Variants in LPP observed in about 807,000 individuals in gnomAD.
LPP encodes the protein LIM domain containing preferred translocation partner in lipoma.
A neutral mutation model predicts 60.4 loss-of-function variants in LPP; 38 were observed. That is an observed-to-expected ratio of 0.63 (90% CI 0.49 to 0.83). LPP has a LOEUF of 0.83. Among genes scored for constraint, LPP ranks in the 40% least tolerant of loss-of-function variants. The probability of loss-of-function intolerance (pLI) is 0.00; values close to 1 mark genes in which losing one functional copy is unlikely to be tolerated. For missense variants in LPP, 902 were observed against 783.6 expected (o/e 1.15, Z -1.80); for synonymous variants, 328 against 290.8 (o/e 1.13, Z -1.30).
chr3:188,814,530 C>T (rs1751942844), intron 9 of LPP, among the ~76,000 whole-genome samples: 1 of 152,208 alleles, frequency 6.6e-6, no homozygotes, highest in South Asian at 2.1e-4. Flanking sequence ...CAACTGCCTC[C>T]TCACTTGAAT....
At chr3:188,412,715 G>T (rs543497292) in intron 4 of LPP, among the ~76,000 whole-genome samples, 3 of 152,114 alleles carry the variant, frequency 2.0e-5, no homozygotes, top group Non-Finnish European at 4.4e-5. Context: ...TCAAAATGGT[G>T]ACCCTTTTTA....
chr3:188,786,337 C>T (rs1223582562), intron 9 of LPP, among the ~76,000 whole-genome samples: 2 of 130,178 alleles, frequency 1.5e-5, no homozygotes, highest in African/African-American at 5.9e-5. Flanking sequence ...GAGCCAAGAG[C>T]ATGCCACTGC....
At chr3:188,611,545 A>C (rs1464229541) in intron 7 of LPP, among the ~76,000 whole-genome samples, 1 of 152,216 alleles carries the variant, frequency 6.6e-6, no homozygotes, top group Non-Finnish European at 1.5e-5. Context: ...TTACAGTAAA[A>C]TAAAATTTTA....
At chr3:188,773,378 A>T (rs375583896) in intron 9 of LPP, among the ~76,000 whole-genome samples, 2 of 148,924 alleles carry the variant, frequency 1.3e-5, no homozygotes, top group East Asian at 2.0e-4. Flanking sequence ...ATATATATAA[A>T]TTTTTTTAAT....
intron 9 of LPP, among the ~76,000 whole-genome samples, chr3:188,852,988 A>G (rs1028376609): frequency 6.6e-6 from 1 of 152,024 alleles, no homozygotes; most frequent in African/African-American, 2.4e-5. Flanking sequence ...TACTAAAAAT[A>G]CAGAAAAAAA....
intron 7 of LPP, among the ~76,000 whole-genome samples, chr3:188,706,294 T>C (rs919526985): frequency 1.3e-5 from 2 of 152,232 alleles, no homozygotes; most frequent in Non-Finnish European, 2.9e-5. Context: ...ATTAGCATAA[T>C]GGTTCTTCAG....
chr3:188,441,119 T>G (rs908609585), intron 4 of LPP, among the ~76,000 whole-genome samples: 4 of 152,160 alleles, frequency 2.6e-5, no homozygotes, highest in Non-Finnish European at 4.4e-5. Context: ...TCAAAATGTA[T>G]TTATACTATG....
intron 10 of LPP, 86 bp from the exon 11 acceptor site, chr3:188,872,557 T>C: frequency 1.3e-6 from 2 of 1,493,068 alleles, no homozygotes; most frequent in Non-Finnish European, 9.3e-7. Flanking sequence ...ATACCGACTC[T>C]CAGTTTCCAC....
At chr3:188,410,663 A>C (rs1784691183) in intron 4 of LPP, among the ~76,000 whole-genome samples, 1 of 152,122 alleles carries the variant, frequency 6.6e-6, no homozygotes, top group Non-Finnish European at 1.5e-5. Context: ...ATACCCCTAC[A>C]TTTCCAAATG....
At chr3:188,581,600 C>T (rs1836143060) in intron 6 of LPP, among the ~76,000 whole-genome samples, 1 of 152,092 alleles carries the variant, frequency 6.6e-6, no homozygotes, top group Non-Finnish European at 1.5e-5. Flanking sequence ...TGCCACTACC[C>T]AGGCTGTTAG....
At chr3:188,407,936 G>A (rs1472457054) in intron 4 of LPP, among the ~76,000 whole-genome samples, 1 of 151,812 alleles carries the variant, frequency 6.6e-6, no homozygotes, top group Non-Finnish European at 1.5e-5. Context: ...TTACAGGCAT[G>A]CACTACCATG....
intron 8 of LPP, among the ~76,000 whole-genome samples, chr3:188,715,993 T>A (rs568217298): frequency 4.5e-4 from 69 of 152,220 alleles, no homozygotes; most frequent in Non-Finnish European, 9.0e-4. Flanking sequence ...TATTGTCTTA[T>A]TCCTTCTTTA....
intron 9 of LPP, among the ~76,000 whole-genome samples, chr3:188,776,259 C>A (rs1346470984): frequency 1.3e-5 from 2 of 152,146 alleles, no homozygotes; most frequent in African/African-American, 4.8e-5. Context: ...CGAGAAAGAC[C>A]TCCCAGAGGA....
chr3:188,513,284 G>C (rs962744241), intron 5 of LPP, among the ~76,000 whole-genome samples: 1 of 152,208 alleles, frequency 6.6e-6, no homozygotes, highest in Non-Finnish European at 1.5e-5. Flanking sequence ...TGACGCTCTA[G>C]GATGGCACAG....
At chr3:188,264,035 CT>C (rs908017661) in intron 2 of LPP, among the ~76,000 whole-genome samples, 2 of 152,178 alleles carry the variant, frequency 1.3e-5, no homozygotes, top group African/African-American at 4.8e-5. Context: ...TAGGTGAGCT[CT>C]GTCATGTAGG....
At chr3:188,577,745 G>GTTCCTTCC (rs1337923679) in intron 6 of LPP, among the ~76,000 whole-genome samples, 1,953 of 68,336 alleles carry the variant, frequency 0.029, 83 homozygotes, top group African/African-American at 0.064. Context: ...TCCTTCCTTT[G>GTTCCTTCC]TTCCTTCGTT....
intron 1 of LPP, among the ~76,000 whole-genome samples, chr3:188,222,502 C>G (rs1271996978): frequency 6.6e-6 from 1 of 152,164 alleles, no homozygotes; most frequent in Admixed American, 6.5e-5. Context: ...GACAGAGAAA[C>G]CTGAGCTTTG....
intron 3 of LPP, among the ~76,000 whole-genome samples, chr3:188,361,540 T>C (rs142324603): frequency 9.1e-4 from 89 of 97,946 alleles, no homozygotes; most frequent in African/African-American, 2.3e-3. Flanking sequence ...TCCTCTCCTC[T>C]CCTCCCCTCT....
intron 3 of LPP, among the ~76,000 whole-genome samples, chr3:188,387,982 T>C (rs999634950): frequency 2.0e-5 from 3 of 152,104 alleles, no homozygotes; most frequent in Non-Finnish European, 2.9e-5. Context: ...TCCCCTATCA[T>C]GCTAGTATTA....
Sources: gnomAD v4.1 joint callset for allele counts (sites outside exome capture counted in the v4.1 genomes callset) on GRCh38, gnomAD v4.1.1 for gene constraint, MANE v1.5 for transcripts, NCBI Gene and HGNC (gene_info 2026-07-23, HGNC 2026-07-21) for gene names.